The following EIF4G3 variants were observed in gnomAD, a reference collection of about 807,000 sequenced individuals.
The protein encoded by EIF4G3 is eIF-4-gamma 3.
A neutral mutation model predicts 186.4 loss-of-function variants in EIF4G3; 34 were observed. The ratio of observed to expected loss-of-function variants is 0.18; its 90% CI spans 0.14 to 0.24. EIF4G3 has a LOEUF of 0.24. Ranked by LOEUF, EIF4G3 falls within the 10% of genes least tolerant of loss-of-function variation. The probability of loss-of-function intolerance (pLI) is 1.00; values close to 1 mark genes in which losing one functional copy is unlikely to be tolerated. For synonymous variants in EIF4G3, 673 were observed against 679.5 expected (o/e 0.99, Z 0.15); for missense variants, 1,536 against 1,948.5 (o/e 0.79, Z 3.99).
chr1:21,170,657 ACT>A (rs2097944242), intron 2 of EIF4G3, among the ~76,000 whole-genome samples: 2 of 149,122 alleles, frequency 1.3e-5, no homozygotes, highest in South Asian at 4.2e-4. Flanking sequence ...GGCGACAGAG[ACT>A]CTGTCTCAAA....
chr1:20,918,827 G>C (rs1419703160), intron 14 of EIF4G3, among the ~76,000 whole-genome samples: 1 of 149,638 alleles, frequency 6.7e-6, no homozygotes, highest in Non-Finnish European at 1.5e-5. Flanking sequence ...TTATAGGTCT[G>C]AGCCACTGCA....
intron 14 of EIF4G3, among the ~76,000 whole-genome samples, chr1:20,915,970 G>C (rs1449406030): frequency 1.3e-5 from 2 of 152,134 alleles, no homozygotes; most frequent in Non-Finnish European, 2.9e-5. Context: ...GAATCTCTAT[G>C]AAACAGCTAA....
chr1:21,037,624 G>A (rs2093312869), intron 4 of EIF4G3, among the ~76,000 whole-genome samples: 1 of 152,140 alleles, frequency 6.6e-6, no homozygotes, highest in Admixed American at 6.5e-5. Flanking sequence ...CATATTATCT[G>A]TAAAAAAGCT....
intron 34 of EIF4G3, among the ~76,000 whole-genome samples, chr1:20,816,979 C>A (rs2061162260): frequency 6.9e-6 from 1 of 145,466 alleles, no homozygotes; most frequent in African/African-American, 2.6e-5. Flanking sequence ...GTGCTGTGTC[C>A]ACTCAGGGTT....
chr1:21,134,950 G>T (rs1161806756), intron 2 of EIF4G3, among the ~76,000 whole-genome samples: 3 of 151,490 alleles, frequency 2.0e-5, no homozygotes, highest in Admixed American at 6.6e-5. Context: ...AATTGTTTTA[G>T]GTTTTCAAAC....
chr1:20,976,915 C>CA (rs1157712618), intron 10 of EIF4G3, among the ~76,000 whole-genome samples: 3 of 151,812 alleles, frequency 2.0e-5, no homozygotes, highest in African/African-American at 7.3e-5. Flanking sequence ...TGATTCATTC[C>CA]AAAAATAGAT....
chr1:20,934,362 T>C (rs532614857), intron 14 of EIF4G3, among the ~76,000 whole-genome samples: 44 of 152,310 alleles, frequency 2.9e-4, no homozygotes, highest in South Asian at 1.7e-3. Flanking sequence ...AATGGTTATA[T>C]GGGACTCAGA....
In EIF4G3 at chr1:20,997,727, G is replaced by GA. The variant is rs910024397; in HGVS notation, c.145-95dup. 437 of 946,876 alleles carry GA rather than the reference G, an allele frequency of 4.6e-4. 1 individual carries two copies. The East Asian group carries it at 0.01, about 22-fold the overall frequency. 58.7% of individuals were successfully genotyped at this position (946,876 alleles called of 1,614,324 possible). On this transcript the variant is annotated intron_variant, in intron 6 of 36. Transcript: ENST00000602326. The stretch of plus-strand genomic sequence containing the variant: ...CAAAATTTCACACAATATGCCAAAA[G>GA]AAAAAAAACCCACAGTGGGGAAATA...
chr1:20,886,057 T>C (rs1308760775), intron 19 of EIF4G3, 144 bp downstream of exon 19: 4 of 1,058,152 alleles, frequency 3.8e-6, no homozygotes, highest in Non-Finnish European at 5.4e-6. Flanking sequence ...GCATCCATAA[T>C]GGCTTTTAGA....
At chr1:21,055,358 G>A (rs531818143) in intron 3 of EIF4G3, among the ~76,000 whole-genome samples, 19 of 152,096 alleles carry the variant, frequency 1.2e-4, no homozygotes, top group African/African-American at 4.1e-4. Context: ...CCAGTTTTAT[G>A]ATTTATTCTG....
intron 2 of EIF4G3, among the ~76,000 whole-genome samples, chr1:21,149,539 T>C (rs576999901): frequency 1.3e-5 from 2 of 152,300 alleles, no homozygotes; most frequent in South Asian, 4.1e-4. Flanking sequence ...TTTTACATCA[T>C]GCCTATCTCT....
intron 18 of EIF4G3, 138 bp downstream of exon 18, chr1:20,893,379 G>C: frequency 1.1e-6 from 1 of 897,492 alleles, no homozygotes; most frequent in Non-Finnish European, 1.6e-6. Flanking sequence ...ATATGAGTAT[G>C]GAAAGGATAG....
intron 14 of EIF4G3, among the ~76,000 whole-genome samples, chr1:20,939,818 C>T (rs931423208): frequency 2.0e-5 from 3 of 150,260 alleles, no homozygotes; most frequent in Admixed American, 6.6e-5. Context: ...GGGCATTTAC[C>T]TACAGCCACA....
At chr1:20,859,652 T>C (rs1231144476) in intron 24 of EIF4G3, among the ~76,000 whole-genome samples, 2 of 152,254 alleles carry the variant, frequency 1.3e-5, no homozygotes, top group Non-Finnish European at 2.9e-5. Flanking sequence ...CAGGCTGGAG[T>C]GCAGTGGCGC....
intron 2 of EIF4G3, among the ~76,000 whole-genome samples, chr1:21,147,372 A>G (rs2097462766): frequency 6.6e-6 from 1 of 151,876 alleles, no homozygotes; most frequent in South Asian, 2.1e-4. Context: ...ACAGAGTCTC[A>G]CACTGTCGCC....
chr1:21,140,857 A>G (rs2097325171), intron 2 of EIF4G3, among the ~76,000 whole-genome samples: 1 of 152,210 alleles, frequency 6.6e-6, no homozygotes, highest in Non-Finnish European at 1.5e-5. Context: ...GCAAAATAAG[A>G]CTTGTTACCA....
chr1:21,002,950 A>C, intron 4 of EIF4G3, 142 bp from the exon 5 acceptor site: 1 of 503,480 alleles, frequency 2.0e-6, no homozygotes, highest in Non-Finnish European at 3.5e-6. Flanking sequence ...ACTTTATTAC[A>C]ATATCCAGTA....
intron 2 of EIF4G3, chr1:21,168,092 C>A (rs1193622708): frequency 2.1e-6 from 1 of 468,288 alleles, no homozygotes; most frequent in South Asian, 1.6e-5. Flanking sequence ...CAAGTAGATA[C>A]AGAATAAAAC....
chr1:20,847,033 A>G (rs975982068), intron 29 of EIF4G3, among the ~76,000 whole-genome samples: 1 of 152,160 alleles, frequency 6.6e-6, no homozygotes, highest in African/African-American at 2.4e-5. Context: ...ACACACTAAT[A>G]CCCCAAAGGT....
Sources: allele counts gnomAD v4.1 joint callset (sites outside exome capture counted in the v4.1 genomes callset), GRCh38; gene constraint gnomAD v4.1.1; transcripts MANE v1.5; gene names NCBI Gene and HGNC (gene_info 2026-07-23, HGNC 2026-07-21).